The following ASB7 variants were observed in gnomAD, a reference collection of about 807,000 sequenced individuals.
ASB7 encodes ankyrin repeat and SOCS box protein 7.
In ASB7, 4 loss-of-function variants were observed where a neutral mutation model predicts 32.5. The observed-to-expected ratio is 0.12, with a 90% CI of 0.06 to 0.28. The LOEUF is 0.28. Among genes scored for constraint, ASB7 ranks in the 10% least tolerant of loss-of-function variants. ASB7 has a pLI of 1.00. For synonymous variants in ASB7, 172 were observed against 155.6 expected (o/e 1.11, Z -0.78); for missense variants, 181 against 407.1 (o/e 0.44, Z 4.78).
chr15:100,611,616 A>T (rs546436443), intron 3 of ASB7, among the ~76,000 whole-genome samples: 56 of 150,430 alleles, frequency 3.7e-4, no homozygotes, highest in Middle Eastern at 6.9e-3. Flanking sequence ...AATAGCTGGG[A>T]TTACAGACAT....
At position 100,651,502 on chromosome 15, in the gene ASB7, AC is replaced by A. The variant is rs975391697; in HGVS notation, c.*3042del. ...ATGTGTAGTTTAATGACCGGCGTGGACCATACGAAATTGAGATTCTAACTTT... is the reference window on the plus strand; with the variant it reads ...ATGTGTAGTTTAATGACCGGCGTGGACATACGAAATTGAGATTCTAACTTT... On this transcript the variant is annotated 3_prime_UTR_variant, in exon 6 of 6. Coordinates refer to ENST00000332783, the MANE Select transcript of ASB7 (RefSeq NM_198243.3). The A allele has an allele frequency of 2.0e-5, 3 of 152,200 alleles. No homozygotes were observed. Among genetic ancestry groups the A allele is most frequent in the African/African-American group, 7.2e-5 (3 of 41,440 alleles). 9.4% of individuals were successfully genotyped at this position (152,200 alleles called of 1,614,324 possible).
chr15:100,625,111 A>G (rs1178465020), intron 4 of ASB7, among the ~76,000 whole-genome samples: 1 of 152,234 alleles, frequency 6.6e-6, no homozygotes, highest in East Asian at 1.9e-4. Context: ...TTCCAAAGCA[A>G]TGAAAAGCTA....
intron 4 of ASB7, among the ~76,000 whole-genome samples, chr15:100,626,823 A>T (rs750697122): frequency 2.6e-5 from 4 of 152,228 alleles, no homozygotes; most frequent in Admixed American, 6.5e-5. Context: ...TGGCGGAAAC[A>T]TCATGCAAAG....
intron 4 of ASB7, among the ~76,000 whole-genome samples, chr15:100,626,086 G>C (rs529783053): frequency 6.6e-6 from 1 of 152,108 alleles, no homozygotes; most frequent in African/African-American, 2.4e-5. Context: ...ACAATGCATT[G>C]AGCAAAGATT....
At position 100,612,439 on chromosome 15, in the gene ASB7, A is replaced by C; in HGVS notation, c.211+12A>C. 6 of 1,585,320 alleles carry C rather than the reference A, an allele frequency of 3.8e-6. No homozygotes were observed. Among genetic ancestry groups the C allele is most frequent in the Non-Finnish European group, 5.2e-6 (6 of 1,153,672 alleles). ...TCTAGAACACGGAGGTGAGTTTTGTAGAAGCAAATCTTTTTCCCCATGGAG... is the reference window on the plus strand; with the variant it reads ...TCTAGAACACGGAGGTGAGTTTTGTCGAAGCAAATCTTTTTCCCCATGGAG... On this transcript the variant is annotated intron_variant, in intron 4 of 5. Transcript: ENST00000332783.
chr15:100,631,970 T>G (rs1436854774), intron 5 of ASB7, among the ~76,000 whole-genome samples: 1 of 152,226 alleles, frequency 6.6e-6, no homozygotes, highest in Non-Finnish European at 1.5e-5. Flanking sequence ...TGTATACAAC[T>G]GTCCAGAGTC....
At chr15:100,616,714 C>T (rs573210608) in intron 4 of ASB7, among the ~76,000 whole-genome samples, 9 of 152,250 alleles carry the variant, frequency 5.9e-5, no homozygotes, top group African/African-American at 2.2e-4. Context: ...ATACCCTTTC[C>T]CTAGTAGAAT....
At chr15:100,614,272 CAAA>C (rs36083050) in intron 4 of ASB7, among the ~76,000 whole-genome samples, 8 of 88,556 alleles carry the variant, frequency 9.0e-5, no homozygotes, top group African/African-American at 5.1e-5. Flanking sequence ...AAACTCTGCT[CAAA>C]AAAAAAAAAA....
At chr15:100,635,766 G>A (rs754350756) in intron 5 of ASB7, among the ~76,000 whole-genome samples, 6 of 152,292 alleles carry the variant, frequency 3.9e-5, no homozygotes, top group African/African-American at 7.2e-5. Flanking sequence ...GTCTTCACAC[G>A]TTTCTTCTTG....
intron 5 of ASB7, among the ~76,000 whole-genome samples, chr15:100,635,128 G>A (rs8036653): frequency 0.35 from 53,228 of 151,984 alleles, 10,413 homozygotes; most frequent in African/African-American, 0.53. Context: ...GCACTGTTGG[G>A]GGGTCACCTT....
chr15:100,626,228 G>T (rs1247846412), intron 4 of ASB7, among the ~76,000 whole-genome samples: 1 of 152,042 alleles, frequency 6.6e-6, no homozygotes, highest in African/African-American at 2.4e-5. Flanking sequence ...ATATTTACAA[G>T]ACACATCTGA....
rs954201399 is a variant in ASB7 at position 100,648,637 on chromosome 15, T to A, written c.*175T>A. ...GTTTTCATTGTAGGGGAGGGATTTT[T>A]TATATATATATAAAAACACACACCA... On this transcript the variant is annotated 3_prime_UTR_variant, in exon 6 of 6. Coordinates refer to ENST00000332783, the MANE Select transcript of ASB7 (RefSeq NM_198243.3). The A allele has an allele frequency of 3.8e-5, 19 of 499,990 alleles. No homozygotes were observed. The South Asian group carries it at 3.9e-4, about 10-fold the overall frequency. 31.0% of individuals were successfully genotyped at this position (499,990 alleles called of 1,614,324 possible).
chr15:100,614,483 C>T (rs773396784), intron 4 of ASB7, among the ~76,000 whole-genome samples: 11 of 151,932 alleles, frequency 7.2e-5, no homozygotes, highest in Admixed American at 6.6e-5. Flanking sequence ...CTTTGTGTGC[C>T]GTACTGGCTT....
At position 100,651,022 on chromosome 15, in the gene ASB7, C is replaced by T. The variant is rs1437478007; in HGVS notation, c.*2560C>T. ...TTCCAGAAACAGAACAGAAAATGTT[C>T]AGAATATTTTCAAATTTGTCAGATT... On this transcript the variant is annotated 3_prime_UTR_variant, in exon 6 of 6. Transcript: ENST00000332783. 1 of 152,084 alleles carries T rather than the reference C, an allele frequency of 6.6e-6. No individual in the cohort carries two copies. The highest frequency in any genetic ancestry group is 1.5e-5 in the Non-Finnish European group (1 of 67,990). The allele number at this position is 152,084 out of a possible 1,614,324, so 9.4% of individuals were successfully genotyped here. A position where few individuals can be genotyped will look rare whatever the true frequency, so the allele number is the denominator to read the frequency against.
At chr15:100,637,732 A>C (rs998058106) in intron 5 of ASB7, among the ~76,000 whole-genome samples, 3 of 152,242 alleles carry the variant, frequency 2.0e-5, no homozygotes, top group Non-Finnish European at 1.5e-5. Flanking sequence ...AAGTTACTTG[A>C]AAAAAGTTAT....
At chr15:100,615,831 G>C (rs1010438956) in intron 4 of ASB7, among the ~76,000 whole-genome samples, 1 of 152,152 alleles carries the variant, frequency 6.6e-6, no homozygotes, top group African/African-American at 2.4e-5. Flanking sequence ...ATCTGCATAG[G>C]ACTCTGTCTC....
At chr15:100,606,981 C>T (rs1288491412) in intron 2 of ASB7, among the ~76,000 whole-genome samples, 4 of 151,996 alleles carry the variant, frequency 2.6e-5, no homozygotes, top group East Asian at 3.9e-4. Context: ...GGTGAAACCT[C>T]GTCTCTACTA....
At chr15:100,622,677 C>A (rs2039804208) in intron 4 of ASB7, among the ~76,000 whole-genome samples, 1 of 152,158 alleles carries the variant, frequency 6.6e-6, no homozygotes, top group Admixed American at 6.5e-5. Flanking sequence ...ACAAAGATAA[C>A]AAGAACATAC....
intron 4 of ASB7, among the ~76,000 whole-genome samples, chr15:100,616,169 T>G (rs539780783): frequency 6.6e-6 from 1 of 152,308 alleles, no homozygotes; most frequent in South Asian, 2.1e-4. Flanking sequence ...CCTGCCTCTC[T>G]TTTTCTTTTT....
Sources: gnomAD v4.1 joint callset for allele counts (sites outside exome capture counted in the v4.1 genomes callset) on GRCh38, gnomAD v4.1.1 for gene constraint, MANE v1.5 for transcripts, NCBI Gene and HGNC (gene_info 2026-07-23, HGNC 2026-07-21) for gene names.